Variants in NCS1 observed in about 807,000 individuals in gnomAD.
The protein encoded by NCS1 is frequenin homolog.
Under a neutral mutation model 28.4 loss-of-function variants are expected in NCS1, and 6 were observed. That is an observed-to-expected ratio of 0.21 (90% CI 0.12 to 0.42). NCS1 has a LOEUF of 0.42. Ranked by LOEUF, NCS1 falls within the 10% of genes least tolerant of loss-of-function variation. NCS1 has a pLI of 1.00. For missense variants in NCS1, 131 were observed against 241.4 expected (o/e 0.54, Z 3.03); for synonymous variants, 86 against 99.3 (o/e 0.87, Z 0.79).
At chr9:130,223,676 A>G (rs1411558907) in intron 6 of NCS1, among the ~76,000 whole-genome samples, 2 of 152,078 alleles carry the variant, frequency 1.3e-5, no homozygotes, top group Non-Finnish European at 2.9e-5. Flanking sequence ...TGTGATCCCT[A>G]CTGTCGACAG....
intron 2 of NCS1, among the ~76,000 whole-genome samples, chr9:130,216,816 G>A (rs1833196812): frequency 6.7e-6 from 1 of 150,150 alleles, no homozygotes; most frequent in African/African-American, 2.4e-5. Flanking sequence ...GTCAGGCCCT[G>A]CAAAGCTAAT....
At position 130,202,099 on chromosome 9, in the gene NCS1, C is replaced by T. The variant is rs118042202; in HGVS notation, c.89+1117C>T. Among the ~76,000 whole-genome samples, 703 of 152,362 alleles carry T rather than the reference C, an allele frequency of 4.6e-3. 18 individuals are homozygous for T. The highest frequency in any genetic ancestry group is 7.1e-3 in the Non-Finnish European group (480 of 68,038). On this transcript the variant is annotated intron_variant, in intron 2 of 7. Coordinates refer to ENST00000372398, the MANE Select transcript of NCS1 (RefSeq NM_014286.4). ...ACAAAAACCTGACCATGCCAGGCGT[C>T]TGCCACCCTCCCCAGACCTCAGGGT... is the stretch of plus-strand genomic sequence containing the variant.
At chr9:130,193,099 G>T (rs1180033650) in intron 1 of NCS1, among the ~76,000 whole-genome samples, 2 of 152,198 alleles carry the variant, frequency 1.3e-5, no homozygotes, top group African/African-American at 2.4e-5. Context: ...GAGGGTGTGT[G>T]CGGCCAGCGG....
intron 4 of NCS1, among the ~76,000 whole-genome samples, 170 bp from the exon 5 acceptor site, chr9:130,222,480 G>T (rs926902862): frequency 4.9e-4 from 74 of 151,960 alleles, no homozygotes; most frequent in Middle Eastern, 3.4e-3. Flanking sequence ...AGTTGCAATG[G>T]TGTGTGTGTG....
chr9:130,219,022 A>G lies in NCS1; in HGVS notation c.229-703A>G, dbSNP rs529516731. Among the ~76,000 whole-genome samples, 7 of 152,262 alleles carry G rather than the reference A, an allele frequency of 4.6e-5. No homozygotes were observed. Among genetic ancestry groups the G allele is most frequent in the African/African-American group, 1.4e-4 (6 of 41,556 alleles). The stretch of plus-strand genomic sequence containing the variant: ...GGATCTTTTGTTCCTGGCGTTTTCC[A>G]CTGAGCATCATGTTTTCAAGACTTA... On this transcript the variant is annotated intron_variant, in intron 3 of 7. Transcript: ENST00000372398. This position sits in a 1 kb window ranked among gnomAD's most constrained non-coding sequence, Gnocchi z 5.7.
chr9:130,233,161 A>G lies in NCS1; in HGVS notation c.*189A>G, dbSNP rs1554912355. On this transcript the variant is annotated 3_prime_UTR_variant, in exon 8 of 8. Coordinates refer to ENST00000372398, the MANE Select transcript of NCS1 (RefSeq NM_014286.4). This position sits in a 1 kb window ranked among gnomAD's most constrained non-coding sequence, Gnocchi z 4.8. ...CTGCACCCATCCCCCGCCTGAAGCC[A>G]CCGGCTCCAATTGCCAGCAACCTCT... 2 of 152,630 alleles carry G rather than the reference A, an allele frequency of 1.3e-5. No homozygotes were observed. Among genetic ancestry groups the G allele is most frequent in the South Asian group, 2.1e-4 (1 of 4,810 alleles). 9.5% of individuals were successfully genotyped at this position (152,630 alleles called of 1,614,324 possible).
At chr9:130,187,158 A>G (rs1438682182) in intron 1 of NCS1, among the ~76,000 whole-genome samples, 2 of 152,128 alleles carry the variant, frequency 1.3e-5, no homozygotes, top group Admixed American at 6.5e-5. Context: ...GTGAGGCCAC[A>G]GGGCACACCT....
In NCS1 at chr9:130,177,175, G is replaced by A. The variant is rs538944790; in HGVS notation, c.64+4448G>A. ...CCACGGCTGACGCCTCTGTGACCCC[G>A]AGCAGAGGACGGGTCCCTGGCTCCA... On this transcript the variant is annotated intron_variant, in intron 1 of 7. Coordinates refer to ENST00000372398, the MANE Select transcript of NCS1 (RefSeq NM_014286.4). The surrounding 1 kb of genome is among the most constrained non-coding windows in gnomAD (Gnocchi z 4.4). Among the ~76,000 whole-genome samples, 9 of 152,238 alleles carry A rather than the reference G, an allele frequency of 5.9e-5. No homozygotes were observed. Among genetic ancestry groups the A allele is most frequent in the Non-Finnish European group, 1.0e-4 (7 of 68,038 alleles).
chr9:130,220,722 C>A lies in NCS1; in HGVS notation c.307+919C>A, dbSNP rs183341475. Among the ~76,000 whole-genome samples, 1,433 of 151,966 alleles carry A rather than the reference C, an allele frequency of 9.4e-3. 10 individuals are homozygous for A. Among genetic ancestry groups the A allele is most frequent in the Middle Eastern group, 0.027 (8 of 292 alleles). Reference sequence around the variant, plus strand: ...CTTCAGTCCATCGGCAGCAAGAAGACCCTGCAGTTTCTTTTTCTTTTTCTT... The same window carrying A: ...CTTCAGTCCATCGGCAGCAAGAAGAACCTGCAGTTTCTTTTTCTTTTTCTT... On this transcript the variant is annotated intron_variant, in intron 4 of 7. Coordinates refer to ENST00000372398, the MANE Select transcript of NCS1 (RefSeq NM_014286.4).
At chr9:130,176,281 C>A (rs782036590) in intron 1 of NCS1, among the ~76,000 whole-genome samples, 39 of 150,942 alleles carry the variant, frequency 2.6e-4, no homozygotes, top group Non-Finnish European at 5.0e-4. Flanking sequence ...AAACCTTGAC[C>A]TCCTGGGTCC....
intron 2 of NCS1, among the ~76,000 whole-genome samples, chr9:130,207,675 G>A (rs907401011): frequency 6.6e-6 from 1 of 152,208 alleles, no homozygotes; most frequent in East Asian, 1.9e-4. Flanking sequence ...CTCCAGTGCC[G>A]GTCAGGTCCC....
chr9:130,172,741 GC>G lies in NCS1; in HGVS notation c.64+19del, dbSNP rs1588104270. On this transcript the variant is annotated intron_variant, in intron 1 of 7. Coordinates refer to ENST00000372398, the MANE Select transcript of NCS1 (RefSeq NM_014286.4). ...GGAAGACCTACTGTGAGTGCTCCCA[GC>G]CCCCAGCCCGCGCCCCGCGGTCACC... The G allele has an allele frequency of 1.2e-5, 17 of 1,459,682 alleles. No individual in the cohort carries two copies. Among genetic ancestry groups the G allele is most frequent in the East Asian group, 3.0e-5 (1 of 33,086 alleles). 90.4% of individuals were successfully genotyped at this position (1,459,682 alleles called of 1,614,324 possible). A position where few individuals can be genotyped will look rare whatever the true frequency, so the allele number is the denominator to read the frequency against.
At chr9:130,173,865 G>A (rs763348209) in intron 1 of NCS1, among the ~76,000 whole-genome samples, 1 of 152,174 alleles carries the variant, frequency 6.6e-6, no homozygotes, top group South Asian at 2.1e-4. Flanking sequence ...TTCTGGGCAC[G>A]TCTGCAGGTC....
intron 1 of NCS1, chr9:130,200,360 C>T (rs754575108): frequency 2.6e-5 from 15 of 581,044 alleles, no homozygotes; most frequent in Admixed American, 6.0e-5. Context: ...CAGGCTCAGC[C>T]GCTCTCTGTA....
At chr9:130,208,360 A>G (rs1364699567) in intron 2 of NCS1, among the ~76,000 whole-genome samples, 6 of 151,530 alleles carry the variant, frequency 4.0e-5, no homozygotes, top group African/African-American at 1.5e-4. Flanking sequence ...GCTCACTGCA[A>G]CTCTGCCTCC....
At chr9:130,229,630 C>T (rs1253241806) in intron 7 of NCS1, among the ~76,000 whole-genome samples, 1 of 152,184 alleles carries the variant, frequency 6.6e-6, no homozygotes, top group Non-Finnish European at 1.5e-5. Flanking sequence ...TCTAATTTTT[C>T]ACAGTCCTCT....
intron 7 of NCS1, among the ~76,000 whole-genome samples, chr9:130,230,814 C>T (rs957129932): frequency 6.6e-6 from 1 of 150,538 alleles, no homozygotes; most frequent in Non-Finnish European, 1.5e-5. Context: ...CCCACCCCCA[C>T]TCTTGTGATT....
rs1554906361 is a variant in NCS1 at position 130,192,488 on chromosome 9, C to T, written c.65-8470C>T. On this transcript the variant is annotated intron_variant, in intron 1 of 7. Transcript: ENST00000372398. This position sits in a 1 kb window ranked among gnomAD's most constrained non-coding sequence, Gnocchi z 4.8. ...ATGAGGCGCTCCAGACCCTCATTTA[C>T]TTGTTGCCTGAAGGTCACTTTGTGG... is the stretch of plus-strand genomic sequence containing the variant. Among the ~76,000 whole-genome samples the T allele has an allele frequency of 1.3e-5, 2 of 151,992 alleles. No individual in the cohort carries two copies. The highest frequency in any genetic ancestry group is 2.9e-5 in the Non-Finnish European group (2 of 68,000).
At chr9:130,182,464 A>T (rs1490259053) in intron 1 of NCS1, among the ~76,000 whole-genome samples, 1 of 152,130 alleles carries the variant, frequency 6.6e-6, no homozygotes, top group African/African-American at 2.4e-5. Context: ...GGCAGATAGG[A>T]TCCTTCCCGC....
Sources: gnomAD v4.1 joint callset for allele counts (sites outside exome capture counted in the v4.1 genomes callset) on GRCh38, gnomAD v4.1.1 for gene constraint, Gnocchi (gnomAD v3.1) non-coding constraint, MANE v1.5 for transcripts, NCBI Gene and HGNC (gene_info 2026-07-23, HGNC 2026-07-21) for gene names.